The following ZNF780B variants were observed in gnomAD, a reference collection of about 807,000 sequenced individuals.
ZNF780B encodes zinc finger protein 779.
ZNF780B carries 52 observed loss-of-function variants against 74.1 expected under a neutral mutation model. That is an observed-to-expected ratio of 0.70 (90% CI 0.56 to 0.88). The LOEUF is 0.88. Among genes scored for constraint, ZNF780B ranks in the 40% least tolerant of loss-of-function variants. The probability of loss-of-function intolerance (pLI) is 0.00; values close to 1 mark genes in which losing one functional copy is unlikely to be tolerated. For missense variants in ZNF780B, 953 were observed against 1,007.6 expected (o/e 0.95, Z 0.73); for synonymous variants, 315 against 324.3 (o/e 0.97, Z 0.31).
At chr19:40,055,267 G>C (rs1973440500) in intron 1 of ZNF780B, 1 of 151,818 alleles carries the variant, frequency 6.6e-6, no homozygotes. Context: ...AGCGGGCGGG[G>C]TGGGGAACGG....
At chr19:40,044,124 C>T (rs572094256) in intron 4 of ZNF780B, among the ~76,000 whole-genome samples, 3 of 152,134 alleles carry the variant, frequency 2.0e-5, no homozygotes, top group Non-Finnish European at 2.9e-5. Context: ...ATAAAGCCAC[C>T]GTAACATATG....
In ZNF780B at chr19:40,034,278, C is replaced by T. The variant is rs147558128; in HGVS notation, c.*79G>A. The T allele has an allele frequency of 1.4e-4, 179 of 1,237,930 alleles. 1 individual carries two copies. In the African/African-American group the frequency reaches 1.9e-3, roughly 13 times the overall value. The allele number at this position is 1,237,930 out of a possible 1,614,324, so 76.7% of individuals were successfully genotyped here. On this transcript the variant is annotated 3_prime_UTR_variant, in exon 5 of 5. Coordinates refer to ENST00000434248, the MANE Select transcript of ZNF780B (RefSeq NM_001005851.3). ...TCCTTGACATTCATAAGGGTTCTCA[C>T]GAATATGAAATCTATAATGTCCATG...
At position 40,034,479 on chromosome 19, in the gene ZNF780B, G is replaced by A. The variant is rs1186831686; in HGVS notation, c.2380C>T (p.Leu794=). 1 of 1,612,894 alleles carries A rather than the reference G, an allele frequency of 6.2e-7. No individual in the cohort carries two copies. Among genetic ancestry groups the A allele is most frequent in the South Asian group, 1.1e-5 (1 of 91,000 alleles). Residue 794 remains leucine, a synonymous_variant, in exon 5 of 5, where the codon CTA becomes TTA. Transcript: ENST00000434248. ...AGTTTTTGATGCAGAGAAAGTTGTAGGTGAAGTCTAAAAGCCTTCCCACAC... is the reference window on the plus strand; with the variant it reads ...AGTTTTTGATGCAGAGAAAGTTGTAAGTGAAGTCTAAAAGCCTTCCCACAC... The part of the protein sequence containing the change: ...KECGKAFRLH[L]QLSLHQKLVQ...
intron 4 of ZNF780B, among the ~76,000 whole-genome samples, chr19:40,047,130 C>G (rs1972965846): frequency 6.6e-6 from 1 of 152,172 alleles, no homozygotes; most frequent in African/African-American, 2.4e-5. Context: ...AGAGGAAGCT[C>G]ACTTCATTAA....
At chr19:40,042,852 C>T (rs1390728571) in intron 4 of ZNF780B, among the ~76,000 whole-genome samples, 1 of 152,032 alleles carries the variant, frequency 6.6e-6, no homozygotes, top group Non-Finnish European at 1.5e-5. Context: ...TTTGAATTTC[C>T]TCCTGTAGCT....
Position 40,034,838 on chromosome 19 carries a change from C to T in ZNF780B, c.2021G>A (p.Cys674Tyr), listed in dbSNP as rs1449634989. 6.2e-6 allele frequency: 10 copies of T among 1,613,992 alleles called. No individual in the cohort carries two copies. In the East Asian group the frequency reaches 1.3e-4, roughly 22 times the overall value. The stretch of plus-strand genomic sequence containing the variant: ...TGAAACACGACTAAAGCCTTTCCCA[C>T]ACTCCTTACATTCATATGGTTTTAC... ...AGVKPYECKE[C>Y]GKGFSRVSNL... is the part of the protein sequence containing the mutation. Residue 674 changes from cysteine (C) to tyrosine (Y), a missense_variant, in exon 5 of 5, where the codon TGT becomes TAT. Physicochemically the swap from Cys to Tyr is radical, Grantham distance 194 (BLOSUM62 -2). Transcript: ENST00000434248.
rs534437002 is a variant in ZNF780B, at chr19:40,032,690, T to C, written c.*1667A>G. ...CCCAGATCGCACCACTGCACTCCAG[T>C]CTGGGCGACAGAGCGAGACTCCATC... is the stretch of plus-strand genomic sequence containing the variant. On this transcript the variant is annotated 3_prime_UTR_variant, in exon 5 of 5. Transcript: ENST00000434248. 1,001 of 141,538 alleles carry C rather than the reference T, an allele frequency of 7.1e-3. 5 individuals carry two copies. The highest frequency in any genetic ancestry group is 0.012 in the Non-Finnish European group (788 of 66,694). 8.8% of individuals were successfully genotyped at this position (141,538 alleles called of 1,614,324 possible).
rs937420153 is a variant in ZNF780B at position 40,030,798 on chromosome 19, A to C, written c.*3559T>G. On this transcript the variant is annotated 3_prime_UTR_variant, in exon 5 of 5. Transcript: ENST00000434248. Reference sequence around the variant, plus strand: ...TACCGGGATGTGCAATGACCCAGAAAGGAGTTGTGCTAGGTTAATACCCAG... The same window carrying C: ...TACCGGGATGTGCAATGACCCAGAACGGAGTTGTGCTAGGTTAATACCCAG... 6.6e-6 allele frequency: 1 copy of C among 152,212 alleles called. No homozygotes were observed. Among genetic ancestry groups the C allele is most frequent in the African/African-American group, 2.4e-5 (1 of 41,442 alleles). 9.4% of individuals were successfully genotyped at this position (152,212 alleles called of 1,614,324 possible). A position where few individuals can be genotyped will look rare whatever the true frequency, so the allele number is the denominator to read the frequency against.
Position 40,035,009 on chromosome 19 carries a change from T to A in ZNF780B, c.1850A>T (p.Glu617Val), listed in dbSNP as rs757008148. The change falls in exon 5 of 5, where the codon GAA becomes GTA. Residue 617 changes from glutamate to valine, a missense_variant. Physicochemically the swap from Glu to Val is moderately radical, Grantham distance 121 (BLOSUM62 -2). Coordinates refer to ENST00000434248, the MANE Select transcript of ZNF780B (RefSeq NM_001005851.3). Reference sequence around the variant, plus strand: ...GTGAAGACTGAAGGCCTTGCCACATTCCTTACATTCAAAGGGCTTCTCACC... The same window carrying A: ...GTGAAGACTGAAGGCCTTGCCACATACCTTACATTCAAAGGGCTTCTCACC... The part of the protein sequence containing the change: ...HTGEKPFECK[E>V]CGKAFSLHTQ... 1 of 1,614,030 alleles carries A rather than the reference T, an allele frequency of 6.2e-7. No homozygotes were observed. The highest frequency in any genetic ancestry group is 2.2e-5 in the East Asian group (1 of 44,874).
intron 2 of ZNF780B, among the ~76,000 whole-genome samples, chr19:40,049,987 G>A (rs755101464): frequency 2.6e-5 from 4 of 152,042 alleles, no homozygotes; most frequent in Non-Finnish European, 4.4e-5. Context: ...CATGAGGTCA[G>A]GAGATCGAGA....
Position 40,028,575 on chromosome 19 carries a change from G to GTACATTTTAAA in ZNF780B, c.*5781_*5782insTTTAAAATGTA. 6.6e-6 allele frequency: 1 copy of GTACATTTTAAA among 152,172 alleles called. No individual in the cohort carries two copies. Among genetic ancestry groups the GTACATTTTAAA allele is most frequent in the South Asian group, 2.1e-4 (1 of 4,830 alleles). 9.4% of individuals were successfully genotyped at this position (152,172 alleles called of 1,614,324 possible). A position where few individuals can be genotyped will look rare whatever the true frequency, so the allele number is the denominator to read the frequency against. The stretch of plus-strand genomic sequence containing the variant: ...TAATGATGGTTATTACTTTTTACAT[G>GTACATTTTAAA]TGACAATCTAGTTGTAGCGTTTAAG... On this transcript the variant is annotated 3_prime_UTR_variant, in exon 5 of 5. Transcript: ENST00000434248.
chr19:40,046,252 T>C (rs1031927184), intron 4 of ZNF780B, among the ~76,000 whole-genome samples: 32 of 152,196 alleles, frequency 2.1e-4, no homozygotes, highest in African/African-American at 7.7e-4. Flanking sequence ...AGACTTGAAA[T>C]GTTCCTATCA....
At position 40,047,408 on chromosome 19, in the gene ZNF780B, C is replaced by A; in HGVS notation, c.199G>T (p.Val67Phe). The change falls in exon 4 of 5, where the codon GTT becomes TTT. Residue 67 changes from valine to phenylalanine, a missense_variant. Val to Phe is a conservative substitution (Grantham distance 50, BLOSUM62 -1). Coordinates refer to ENST00000434248, the MANE Select transcript of ZNF780B (RefSeq NM_001005851.3). Reference protein sequence around the residue: ...LLEQEKEPWIVVSKETSRWYP... With the variant: ...LLEQEKEPWIFVSKETSRWYP... ...CATCTGCTTGTTTCTTTACTTACAA[C>A]AATCCAGGGCTCTTTCTCTTGCTCT... is the stretch of plus-strand genomic sequence containing the variant. 2 of 1,613,948 alleles carry A rather than the reference C, an allele frequency of 1.2e-6. No homozygotes were observed. Among genetic ancestry groups the A allele is most frequent in the Non-Finnish European group, 8.5e-7 (1 of 1,179,906 alleles).
chr19:40,053,976 A>T, intron 1 of ZNF780B, among the ~76,000 whole-genome samples: 1 of 152,192 alleles, frequency 6.6e-6, no homozygotes, highest in East Asian at 1.9e-4. Context: ...AACATGGCAA[A>T]ACCCTGTCTC....
At position 40,031,184 on chromosome 19, in the gene ZNF780B, A is replaced by T. The variant is rs1971985155; in HGVS notation, c.*3173T>A. The T allele has an allele frequency of 6.6e-6, 1 of 152,204 alleles. No individual in the cohort carries two copies. The allele number at this position is 152,204 out of a possible 1,614,324, so 9.4% of individuals were successfully genotyped here. On this transcript the variant is annotated 3_prime_UTR_variant, in exon 5 of 5. Coordinates refer to ENST00000434248, the MANE Select transcript of ZNF780B (RefSeq NM_001005851.3). ...AGGATTATTCTTAATCTTAAAAAAA[A>T]TTTAATCTAATTCATGATGCCACAT...
intron 4 of ZNF780B, among the ~76,000 whole-genome samples, chr19:40,039,365 T>A (rs1344997792): frequency 1.3e-5 from 2 of 152,252 alleles, no homozygotes; most frequent in African/African-American, 4.8e-5. Flanking sequence ...GGCTTTGTTC[T>A]TTTGGCTTAG....
Position 40,034,687 on chromosome 19 carries a change from G to T in ZNF780B, c.2172C>A (p.Pro724=). The change falls in exon 5 of 5, where the codon CCC becomes CCA. Residue 724 remains proline, a synonymous_variant. Transcript: ENST00000434248. ...CCTTTCCGCATTCTTTACATTCAAA[G>T]GGTTTCTCACCAGTATGAATTCGGT... ...EHYRIHTGEK[P]FECKECGKAF... 6.2e-7 allele frequency: 1 copy of T among 1,613,828 alleles called. No individual in the cohort carries two copies. Among genetic ancestry groups the T allele is most frequent in the Non-Finnish European group, 8.5e-7 (1 of 1,179,950 alleles).
At chr19:40,052,670 T>C (rs1005999802) in intron 1 of ZNF780B, among the ~76,000 whole-genome samples, 3 of 151,940 alleles carry the variant, frequency 2.0e-5, no homozygotes, top group Non-Finnish European at 4.4e-5. Flanking sequence ...GGCATCAAAC[T>C]ACCTGACTTC....
In ZNF780B at chr19:40,034,685, A is replaced by G; in HGVS notation, c.2174T>C (p.Phe725Ser). Residue 725 changes from phenylalanine (F) to serine (S), a missense_variant, in exon 5 of 5, where the codon TTT becomes TCT. By Grantham distance (155) the Phe-to-Ser change is radical (BLOSUM62 -2). Transcript: ENST00000434248. ...HYRIHTGEKP[F>S]ECKECGKAFG... ...GGCCTTTCCGCATTCTTTACATTCA[A>G]AGGGTTTCTCACCAGTATGAATTCG... 6.2e-7 allele frequency: 1 copy of G among 1,613,758 alleles called. No homozygotes were observed. Among genetic ancestry groups the G allele is most frequent in the Non-Finnish European group, 8.5e-7 (1 of 1,179,892 alleles).
Sources: allele counts gnomAD v4.1 joint callset (sites outside exome capture counted in the v4.1 genomes callset), GRCh38; gene constraint gnomAD v4.1.1; transcripts MANE v1.5; gene names NCBI Gene and HGNC (gene_info 2026-07-23, HGNC 2026-07-21).